EYS: variants seen among roughly 807,000 people sequenced by gnomAD.
EYS encodes the protein protein eyes shut homolog.
In EYS, 250 loss-of-function variants were observed where a neutral mutation model predicts 282.1. That is an observed-to-expected ratio of 0.89 (90% CI 0.80 to 0.98). The LOEUF (loss-of-function observed/expected upper bound fraction) is 0.98, where lower values mean the gene tolerates loss of function less well. EYS is among the 50% of genes least tolerant of loss of function. The pLI is 0.00. For synonymous variants in EYS, 1,355 were observed against 1,282.9 expected, an observed-to-expected ratio of 1.06 and a Z score of -1.20; for missense variants, 4,016 against 3,709.0, an observed-to-expected ratio of 1.08 and a Z score of -2.15.
intron 35 of EYS, among the ~76,000 whole-genome samples, chr6:63,904,719 A>C (rs78284897): frequency 0.038 from 5,742 of 152,306 alleles, 154 homozygotes; most frequent in Middle Eastern, 0.075. Context: ...CTTCACTTGC[A>C]TAAGTTTTGC....
At chr6:63,924,812 CT>C (rs1388823052) in intron 35 of EYS, among the ~76,000 whole-genome samples, 1 of 152,116 alleles carries the variant, frequency 6.6e-6, no homozygotes, top group African/African-American at 2.4e-5. Context: ...CTCAGCTTGG[CT>C]TTTTTTCCTC....
chr6:64,912,875 T>C (rs999207575), intron 15 of EYS, 132 bp from the exon 16 acceptor site: 8 of 485,696 alleles, frequency 1.6e-5, no homozygotes, highest in African/African-American at 1.4e-4. Flanking sequence ...AAATAATACA[T>C]AGTTTTAAAA....
intron 22 of EYS, among the ~76,000 whole-genome samples, chr6:64,719,409 G>T (rs79584993): frequency 6.6e-6 from 1 of 152,042 alleles, no homozygotes; most frequent in South Asian, 2.1e-4. Flanking sequence ...TTTATTAAGG[G>T]AAGAGTACAT....
intron 14 of EYS, among the ~76,000 whole-genome samples, chr6:64,994,899 C>G (rs578103537): frequency 7.9e-5 from 12 of 152,124 alleles, no homozygotes; most frequent in Non-Finnish European, 1.8e-4. Flanking sequence ...ATTCAGGGCT[C>G]AAGCCTACAT....
At chr6:64,921,070 TG>T (rs1467163159) in intron 15 of EYS, among the ~76,000 whole-genome samples, 2 of 152,136 alleles carry the variant, frequency 1.3e-5, no homozygotes, top group African/African-American at 4.8e-5. Flanking sequence ...TTTGTTTTTT[TG>T]TTAGGACTGG....
chr6:65,187,384 C>G (rs970184495), intron 12 of EYS, among the ~76,000 whole-genome samples: 2 of 151,548 alleles, frequency 1.3e-5, no homozygotes, highest in African/African-American at 4.8e-5. Context: ...TAAAATAGCA[C>G]GCATTTTTTC....
At chr6:64,817,345 T>G (rs1232867060) in intron 21 of EYS, among the ~76,000 whole-genome samples, 1 of 152,146 alleles carries the variant, frequency 6.6e-6, no homozygotes, top group Non-Finnish European at 1.5e-5. Flanking sequence ...AATGCCAGAA[T>G]CCACTATGTA....
At chr6:65,653,306 C>A (rs917288853) in intron 1 of EYS, among the ~76,000 whole-genome samples, 1 of 151,766 alleles carries the variant, frequency 6.6e-6, no homozygotes, top group African/African-American at 2.4e-5. Context: ...CAAACACACC[C>A]AGGATGGGCA....
At chr6:65,264,213 G>C (rs1312912233) in intron 12 of EYS, among the ~76,000 whole-genome samples, 1 of 151,942 alleles carries the variant, frequency 6.6e-6, no homozygotes, top group Non-Finnish European at 1.5e-5. Context: ...ATTTACCAGC[G>C]AACAAAGGAA....
chr6:65,309,222 A>G lies in EYS; in HGVS notation c.1767-13103T>C, dbSNP rs186734416. On this transcript the variant is annotated intron_variant, in intron 11 of 42. Transcript: ENST00000503581. ...GTTCCATCAAGACAGTTTTGCGTGT[A>G]GGGAAATAATTAGCATGTGTTTTAT... 3.6e-3 allele frequency among the ~76,000 whole-genome samples: 542 copies of G among 152,296 alleles called. 8 individuals are homozygous for G. The highest frequency in any genetic ancestry group is 0.012 in the African/African-American group (516 of 41,554).
Position 65,235,837 on chromosome 6 carries a change from T to C in EYS, c.2023+60026A>G, listed in dbSNP as rs189416491. On this transcript the variant is annotated intron_variant, in intron 12 of 42. Coordinates refer to ENST00000503581, the MANE Select transcript of EYS (RefSeq NM_001142800.2). ...CATTAATTTGTTAGTTTGGATTATATCAGCATTGCTTACATATGATTAATG... is the reference window on the plus strand; with the variant it reads ...CATTAATTTGTTAGTTTGGATTATACCAGCATTGCTTACATATGATTAATG... Among the ~76,000 whole-genome samples, 46 of 152,230 alleles carry C rather than the reference T, an allele frequency of 3.0e-4. No homozygotes were observed. In the East Asian group the frequency reaches 7.7e-3, roughly 26 times the overall value.
At chr6:64,388,636 G>T in intron 29 of EYS, 54 bp downstream of exon 29, 1 of 1,362,316 alleles carries the variant, frequency 7.3e-7, no homozygotes, top group South Asian at 1.6e-5. Context: ...TCAATATGAT[G>T]ATTTTCAATA....
chr6:64,745,756 G>A (rs1392459400), intron 22 of EYS, among the ~76,000 whole-genome samples: 1 of 152,096 alleles, frequency 6.6e-6, no homozygotes, highest in Non-Finnish European at 1.5e-5. Flanking sequence ...TCTTATAAAG[G>A]TTCTCCATTG....
chr6:64,720,348 C>A (rs960008232), intron 22 of EYS, among the ~76,000 whole-genome samples: 8 of 152,156 alleles, frequency 5.3e-5, no homozygotes, highest in African/African-American at 1.9e-4. Context: ...CCCAGATTAT[C>A]CAGGACAATC....
chr6:64,388,590 C>A (rs140892533), intron 29 of EYS, 100 bp downstream of exon 29: 1 of 1,173,336 alleles, frequency 8.5e-7, no homozygotes, highest in Non-Finnish European at 1.1e-6. Flanking sequence ...GCCCCACTAG[C>A]CAGAAAATAT....
chr6:64,309,318 T>G (rs1055305346), intron 29 of EYS, among the ~76,000 whole-genome samples: 2 of 152,214 alleles, frequency 1.3e-5, no homozygotes, highest in African/African-American at 4.8e-5. Flanking sequence ...GAGATACTTC[T>G]CAGAATTCTA....
At chr6:64,594,756 G>A (rs1028877157) in intron 24 of EYS, among the ~76,000 whole-genome samples, 4 of 150,566 alleles carry the variant, frequency 2.7e-5, no homozygotes, top group Non-Finnish European at 5.9e-5. Flanking sequence ...CGAGTTAATG[G>A]GTGCAGCACA....
intron 22 of EYS, among the ~76,000 whole-genome samples, chr6:64,646,543 C>T (rs1768357691): frequency 6.6e-6 from 1 of 152,088 alleles, no homozygotes; most frequent in Non-Finnish European, 1.5e-5. Flanking sequence ...GTGACTCACT[C>T]CTGTAATCCC....
At position 64,093,872 on chromosome 6, in the gene EYS, T is replaced by G. The variant is rs1470174164; in HGVS notation, c.6425-11870A>C. ...ATGCTTCCAGTTTTTGCCCAGTCAG[T>G]GTGATATTGGCTGTGGATTTGTCAT... On this transcript the variant is annotated intron_variant, in intron 31 of 42. Transcript: ENST00000503581. Among the ~76,000 whole-genome samples the G allele has an allele frequency of 5.3e-5, 8 of 152,292 alleles. No individual in the cohort carries two copies. In the South Asian group the frequency reaches 1.7e-3, roughly 32 times the overall value.
Sources: allele counts gnomAD v4.1 joint callset (sites outside exome capture counted in the v4.1 genomes callset), GRCh38; gene constraint gnomAD v4.1.1; transcripts MANE v1.5; gene names NCBI Gene and HGNC (gene_info 2026-07-23, HGNC 2026-07-21).